STS: variants seen among roughly 807,000 people sequenced by gnomAD.
STS encodes the protein steroid sulfatase.
In STS, 7 loss-of-function variants were observed where a neutral mutation model predicts 26.8. The ratio of observed to expected loss-of-function variants is 0.26; its 90% CI spans 0.15 to 0.49. The LOEUF is 0.49. STS is among the 20% of genes least tolerant of loss of function. STS has a pLI of 0.98. For missense variants in STS, 434 were observed against 465.6 expected (o/e 0.93, Z 0.63); for synonymous variants, 199 against 189.4 (o/e 1.05, Z -0.42).
intron 2 of STS, among the ~76,000 whole-genome samples, chrX:7,192,775 CTT>C (rs1175415833): frequency 1.8e-5 from 2 of 111,482 alleles, no homozygotes; most frequent in Admixed American, 1.9e-4. Context: ...TCAGGGTAGA[CTT>C]TGCCCTTCAG....
intron 2 of STS, among the ~76,000 whole-genome samples, chrX:7,238,059 T>C (rs1413020875): frequency 4.6e-5 from 5 of 109,835 alleles, no homozygotes; most frequent in Non-Finnish European, 9.5e-5. Context: ...GTCCTCCAGT[T>C]TCATCCATGT....
chrX:7,195,106 G>A (rs1933948879), intron 2 of STS, among the ~76,000 whole-genome samples: 1 of 112,171 alleles, frequency 8.9e-6, no homozygotes. Flanking sequence ...TCGTTATGTA[G>A]TACATGACTA....
intron 8 of STS, among the ~76,000 whole-genome samples, chrX:7,319,711 A>G (rs1339160027): frequency 1.8e-5 from 2 of 108,447 alleles, no homozygotes; most frequent in Non-Finnish European, 3.8e-5. Context: ...AATGTGGTTT[A>G]CAAATATGGT....
chrX:7,275,928 C>CTT, intron 6 of STS, 23 bp from the exon 7 acceptor site: 1 of 1,104,166 alleles, frequency 9.1e-7, no homozygotes, highest in Admixed American at 2.7e-5. Context: ...TTTTTTCCTC[C>CTT]CTTTTTTTTT....
At chrX:7,175,130 A>T (rs1933541874) in intron 1 of STS, among the ~76,000 whole-genome samples, 1 of 104,932 alleles carries the variant, frequency 9.5e-6, no homozygotes, top group South Asian at 4.6e-4. Context: ...TTCCAGAATC[A>T]GAAAACCTAG....
chrX:7,174,333 T>G (rs1323837930), intron 1 of STS, among the ~76,000 whole-genome samples: 1 of 111,416 alleles, frequency 9.0e-6, no homozygotes, highest in Non-Finnish European at 1.9e-5. Flanking sequence ...ATTCCCTCAT[T>G]TGTAGGTCTA....
chrX:7,159,830 T>C lies in STS; in HGVS notation c.-134+11747T>C, dbSNP rs563421814. 1.4e-4 allele frequency among the ~76,000 whole-genome samples: 16 copies of C among 112,219 alleles called. No homozygotes were observed. The South Asian group carries it at 5.9e-3, about 42-fold the overall frequency. On this transcript the variant is annotated intron_variant, in intron 1 of 10. Coordinates refer to ENST00000674429, the MANE Select transcript of STS (RefSeq NM_001320752.2). ...AGAAATACATGCAGTTAAATAACTT[T>C]TTTATGATAGATTCGCTGATTACTC...
At chrX:7,279,319 G>GTGTGTA (rs1481850761) in intron 7 of STS, among the ~76,000 whole-genome samples, 13 of 39,962 alleles carry the variant, frequency 3.3e-4, no homozygotes, top group Admixed American at 7.5e-4. Flanking sequence ...ATATGTGTGT[G>GTGTGTA]TGTGTGTGTG....
chrX:7,204,557 CCTTCCTTTT>C (rs1198497211), intron 2 of STS, among the ~76,000 whole-genome samples: 1 of 92,832 alleles, frequency 1.1e-5, no homozygotes, highest in Non-Finnish European at 2.2e-5. Context: ...CCCTTCCTTC[CCTTCCTTTT>C]CTTCCTTTCC....
chrX:7,240,464 C>T (rs192439046), intron 2 of STS, among the ~76,000 whole-genome samples: 41 of 68,427 alleles, frequency 6.0e-4, no homozygotes, highest in East Asian at 1.5e-3. Flanking sequence ...GGAGCGCGCG[C>T]GCACACACAC....
At chrX:7,282,505 A>G (rs1173511855) in intron 7 of STS, among the ~76,000 whole-genome samples, 1 of 111,660 alleles carries the variant, frequency 9.0e-6, no homozygotes, top group Non-Finnish European at 1.9e-5. Flanking sequence ...TTGGCCAGTT[A>G]ATGTTTCTTT....
intron 2 of STS, among the ~76,000 whole-genome samples, chrX:7,205,369 A>C (rs187666793): frequency 1.0e-3 from 115 of 111,791 alleles, no homozygotes; most frequent in Admixed American, 3.0e-3. Context: ...CTTTGGGGAT[A>C]TTACATGTGA....
At chrX:7,284,237 A>C (rs1166654322) in intron 7 of STS, among the ~76,000 whole-genome samples, 2 of 111,849 alleles carry the variant, frequency 1.8e-5, no homozygotes, top group African/African-American at 6.5e-5. Flanking sequence ...GAGGCTTGAA[A>C]ATTATTTCAA....
At chrX:7,194,124 C>G (rs1475587834) in intron 2 of STS, among the ~76,000 whole-genome samples, 3 of 110,698 alleles carry the variant, frequency 2.7e-5, no homozygotes, top group African/African-American at 9.9e-5. Flanking sequence ...AGGCTGGTCT[C>G]GAACTCCTGA....
intron 7 of STS, among the ~76,000 whole-genome samples, chrX:7,286,239 T>A (rs752517650): frequency 1.6e-4 from 18 of 111,516 alleles, no homozygotes; most frequent in African/African-American, 5.2e-4. Flanking sequence ...AATCTACTTA[T>A]TTTAATAATG....
chrX:7,177,220 C>T (rs991359592), intron 1 of STS, among the ~76,000 whole-genome samples: 23 of 110,877 alleles, frequency 2.1e-4, no homozygotes, highest in Non-Finnish European at 3.8e-5. Context: ...GTCTACCCAA[C>T]TTGGTTTCCA....
intron 8 of STS, among the ~76,000 whole-genome samples, chrX:7,324,842 C>G (rs900483083): frequency 5.4e-5 from 6 of 111,767 alleles, no homozygotes; most frequent in African/African-American, 1.6e-4. Flanking sequence ...TAGATCCACT[C>G]AGACAATGCA....
chrX:7,339,047 C>A (rs772936247), intron 10 of STS, among the ~76,000 whole-genome samples: 3 of 111,816 alleles, frequency 2.7e-5, no homozygotes, highest in African/African-American at 3.2e-5. Flanking sequence ...AAGAAAAGTG[C>A]TCGCATGGCT....
chrX:7,323,954 G>T (rs916447074), intron 8 of STS, among the ~76,000 whole-genome samples: 5 of 111,267 alleles, frequency 4.5e-5, no homozygotes, highest in Admixed American at 3.8e-4. Flanking sequence ...TCCCTTGAAA[G>T]AACCCTGTCT....
Sources: gnomAD v4.1 joint callset for allele counts (sites outside exome capture counted in the v4.1 genomes callset) on GRCh38, gnomAD v4.1.1 for gene constraint, MANE v1.5 for transcripts, NCBI Gene and HGNC (gene_info 2026-07-23, HGNC 2026-07-21) for gene names.